Variants in NUP155 observed in about 807,000 individuals in gnomAD.
The protein encoded by NUP155 is nuclear pore complex protein Nup155.
In NUP155, 71 loss-of-function variants were observed where a neutral mutation model predicts 180.4. The observed-to-expected ratio is 0.39, with a 90% CI of 0.33 to 0.48. The LOEUF (loss-of-function observed/expected upper bound fraction) is 0.48, where lower values mean the gene tolerates loss of function less well. Among genes scored for constraint, NUP155 ranks in the 20% least tolerant of loss-of-function variants. NUP155 has a pLI of 0.91. For missense variants in NUP155, 1,553 were observed against 1,648.9 expected, an observed-to-expected ratio of 0.94 and a Z score of 1.01; for synonymous variants, 582 against 559.5, an observed-to-expected ratio of 1.04 and a Z score of -0.57.
chr5:37,340,596 G>A (rs1388099937), intron 11 of NUP155, among the ~76,000 whole-genome samples: 1 of 152,080 alleles, frequency 6.6e-6, no homozygotes, highest in African/African-American at 2.4e-5. Flanking sequence ...TACATTAACG[G>A]GTAATTCACT....
chr5:37,332,400 C>A (rs1429103793), intron 13 of NUP155, among the ~76,000 whole-genome samples: 1 of 143,752 alleles, frequency 7.0e-6, no homozygotes, highest in Non-Finnish European at 1.5e-5. Context: ...CGGCTCACTG[C>A]AAGCTCCGCC....
At chr5:37,324,911 A>G (rs940169032) in intron 19 of NUP155, among the ~76,000 whole-genome samples, 3 of 152,074 alleles carry the variant, frequency 2.0e-5, no homozygotes, top group African/African-American at 7.2e-5. Flanking sequence ...TTCTCAGTGG[A>G]GGCCGAGGTG....
chr5:37,329,813 A>G (rs1288251688), intron 15 of NUP155, among the ~76,000 whole-genome samples: 2 of 152,320 alleles, frequency 1.3e-5, no homozygotes, highest in East Asian at 3.9e-4. Flanking sequence ...AAGAAGTTAC[A>G]GAACAGAATC....
chr5:37,337,627 T>A lies in NUP155; in HGVS notation c.1347+191A>T, dbSNP rs566200296. Among the ~76,000 whole-genome samples the A allele has an allele frequency of 3.3e-5, 5 of 152,300 alleles. No individual in the cohort carries two copies. In the East Asian group the frequency reaches 7.7e-4, roughly 23 times the overall value. On this transcript the variant is annotated intron_variant, in intron 12 of 34. Coordinates refer to ENST00000231498, the MANE Select transcript of NUP155 (RefSeq NM_153485.3). Reference sequence around the variant, plus strand: ...ATGTTTTCTTTAAAGATTTTTTTTGTGATTACCACAGTAACTTCTACCCTG... The same window carrying A: ...ATGTTTTCTTTAAAGATTTTTTTTGAGATTACCACAGTAACTTCTACCCTG...
intron 9 of NUP155, among the ~76,000 whole-genome samples, chr5:37,344,918 T>G (rs1399711615): frequency 6.7e-6 from 1 of 150,280 alleles, no homozygotes; most frequent in Non-Finnish European, 1.5e-5. Context: ...TTCACATCTG[T>G]AATCCCAGAA....
Position 37,296,021 on chromosome 5 carries a change from G to A in NUP155, c.3794-1556C>T, listed in dbSNP as rs1183849235. Among the ~76,000 whole-genome samples the A allele has an allele frequency of 3.6e-4, 51 of 142,448 alleles. 1 individual carries two copies. The highest frequency in any genetic ancestry group is 1.4e-3 in the Admixed American group (21 of 14,776). 93.5% of individuals were successfully genotyped at this position (142,448 alleles called of 152,430 possible). Reference sequence around the variant, plus strand: ...GGGAGGAGGGGGGGGTCAGCCCCCCGCCCGGCCAGCCGCCCTGTCCGGGAG... The same window carrying A: ...GGGAGGAGGGGGGGGTCAGCCCCCCACCCGGCCAGCCGCCCTGTCCGGGAG... On this transcript the variant is annotated intron_variant, in intron 32 of 34. Coordinates refer to ENST00000231498, the MANE Select transcript of NUP155 (RefSeq NM_153485.3).
At position 37,350,362 on chromosome 5, in the gene NUP155, T is replaced by A. The variant is rs566534041; in HGVS notation, c.724-97A>T. Reference sequence around the variant, plus strand: ...ATTTATAAAAACCTTCAAATCTTCATGAAATACCAGTTATAATCACTAATA... The same window carrying A: ...ATTTATAAAAACCTTCAAATCTTCAAGAAATACCAGTTATAATCACTAATA... On this transcript the variant is annotated intron_variant, in intron 6 of 34. Coordinates refer to ENST00000231498, the MANE Select transcript of NUP155 (RefSeq NM_153485.3). 3 of 786,176 alleles carry A rather than the reference T, an allele frequency of 3.8e-6. No individual in the cohort carries two copies. The Admixed American group carries it at 6.5e-5, about 17-fold the overall frequency. 48.7% of individuals were successfully genotyped at this position (786,176 alleles called of 1,614,324 possible). A position where few individuals can be genotyped will look rare whatever the true frequency, so the allele number is the denominator to read the frequency against.
chr5:37,332,313 C>CT (rs1021002313), intron 13 of NUP155, among the ~76,000 whole-genome samples: 1,416 of 87,674 alleles, frequency 0.016, 133 homozygotes, highest in African/African-American at 0.027. Flanking sequence ...GCCATTACAG[C>CT]TTTTTTTTTT....
intron 1 of NUP155, among the ~76,000 whole-genome samples, chr5:37,365,639 C>T (rs1291721598): frequency 7.3e-6 from 1 of 137,792 alleles, no homozygotes; most frequent in East Asian, 2.4e-4. Flanking sequence ...ACCTGGGAGG[C>T]GGAGGCAGCA....
chr5:37,366,437 A>G (rs1193364739), intron 1 of NUP155, among the ~76,000 whole-genome samples: 1 of 152,072 alleles, frequency 6.6e-6, no homozygotes, highest in Non-Finnish European at 1.5e-5. Context: ...TTCCCCAATT[A>G]TCTTTTTATT....
intron 7 of NUP155, among the ~76,000 whole-genome samples, chr5:37,349,637 C>G (rs918926877): frequency 6.6e-6 from 1 of 152,052 alleles, no homozygotes; most frequent in African/African-American, 2.4e-5. Context: ...AATAAGTATA[C>G]CTGGTCCTTT....
rs1361925938 is a variant in NUP155, at chr5:37,295,905, G to A, written c.3794-1440C>T. On this transcript the variant is annotated intron_variant, in intron 32 of 34. Coordinates refer to ENST00000231498, the MANE Select transcript of NUP155 (RefSeq NM_153485.3). ...GGGTCAGCCCCCCGCCTGGCCAGCC[G>A]CCCCGTCCGGGAGGTGAGGGGCGCC... 1.0e-4 allele frequency among the ~76,000 whole-genome samples: 15 copies of A among 144,996 alleles called. No individual in the cohort carries two copies. The East Asian group carries it at 1.2e-3, about 12-fold the overall frequency.
At chr5:37,321,679 T>C (rs1744255188) in intron 20 of NUP155, among the ~76,000 whole-genome samples, 1 of 151,936 alleles carries the variant, frequency 6.6e-6, no homozygotes, top group Non-Finnish European at 1.5e-5. Context: ...ATTGCACCAC[T>C]GCACTCCAGC....
intron 20 of NUP155, among the ~76,000 whole-genome samples, chr5:37,322,669 T>C (rs1488685151): frequency 1.4e-5 from 2 of 146,018 alleles, no homozygotes; most frequent in Non-Finnish European, 3.0e-5. Context: ...ACCGCACCAC[T>C]GCACTCCAGG....
chr5:37,333,559 T>A lies in NUP155; in HGVS notation c.1422A>T (p.Thr474=), dbSNP rs1414716470. ...TTGGAATATGATCCTTGTTTAAAGG[T>A]GTAATTATTTTATCTACTTTCAATT... ...IDELKVDKII[T]PLNKDHIPIT... is the part of the protein sequence containing the mutation. Residue 474 remains threonine (T), a synonymous_variant, in exon 13 of 35, where the codon ACA becomes ACT. Transcript: ENST00000231498. 6.2e-7 allele frequency: 1 copy of A among 1,613,462 alleles called. No homozygotes were observed.
chr5:37,291,328 G>C lies in NUP155; in HGVS notation c.*572C>G, dbSNP rs1208555418. 9 of 153,004 alleles carry C rather than the reference G, an allele frequency of 5.9e-5. No individual in the cohort carries two copies. The highest frequency in any genetic ancestry group is 5.9e-4 in the Admixed American group (9 of 15,320). 9.5% of individuals were successfully genotyped at this position (153,004 alleles called of 1,614,324 possible). A position where few individuals can be genotyped will look rare whatever the true frequency, so the allele number is the denominator to read the frequency against. ...GCGATTTTGACTCACTGAAACCTCT[G>C]CCTCCCGGGTTCAAGTGATTCGCCT... On this transcript the variant is annotated 3_prime_UTR_variant, in exon 35 of 35. Coordinates refer to ENST00000231498, the MANE Select transcript of NUP155 (RefSeq NM_153485.3).
chr5:37,303,077 A>G (rs893979966), intron 28 of NUP155, among the ~76,000 whole-genome samples, 169 bp from the exon 29 acceptor site: 1 of 152,274 alleles, frequency 6.6e-6, no homozygotes, highest in South Asian at 2.1e-4. Context: ...TTCTCATAAG[A>G]GAGATCCACA....
In NUP155 at chr5:37,325,921, C is replaced by T; in HGVS notation, c.2071G>A (p.Gly691Ser). 2 of 1,610,294 alleles carry T rather than the reference C, an allele frequency of 1.2e-6. No homozygotes were observed. The highest frequency in any genetic ancestry group is 3.3e-5 in the Admixed American group (2 of 59,980). ...CTTACTGCAGTGATCTCTCTGTTGC[C>T]ACTCTTGAATATTCTCTCCACAACT... ...SLVVERIFKS[G>S]NREITAIESS... Residue 691 changes from glycine to serine, a missense_variant, in exon 19 of 35, where the codon GGC becomes AGC. Coordinates refer to ENST00000231498, the MANE Select transcript of NUP155 (RefSeq NM_153485.3).
chr5:37,347,232 A>C (rs775975528), intron 9 of NUP155, among the ~76,000 whole-genome samples: 106 of 152,274 alleles, frequency 7.0e-4, no homozygotes, highest in Admixed American at 1.2e-3. Context: ...CATCTCAAAA[A>C]GAAGCAAACA....
Sources: gnomAD v4.1 joint callset for allele counts (sites outside exome capture counted in the v4.1 genomes callset) on GRCh38, gnomAD v4.1.1 for gene constraint, MANE v1.5 for transcripts, NCBI Gene and HGNC (gene_info 2026-07-23, HGNC 2026-07-21) for gene names.